Variants in TTC34 observed in about 807,000 individuals in gnomAD.
The protein encoded by TTC34 is tetratricopeptide repeat protein 34.
Under a neutral mutation model 40.7 loss-of-function variants are expected in TTC34, and 44 were observed. The observed-to-expected ratio is 1.08, with a 90% CI of 0.85 to 1.39. The LOEUF (loss-of-function observed/expected upper bound fraction) is 1.39, where lower values mean the gene tolerates loss of function less well. Ranked by LOEUF, TTC34 falls within the 40% of genes most tolerant of loss-of-function variation. The pLI is 0.00. For missense variants in TTC34, 884 were observed against 838.0 expected (o/e 1.05, Z -0.68); for synonymous variants, 422 against 398.6 (o/e 1.06, Z -0.70).
chr1:2,689,998 GC>G (rs1640542114), intron 6 of TTC34, among the ~76,000 whole-genome samples: 1 of 138,058 alleles, frequency 7.2e-6, no homozygotes, highest in Non-Finnish European at 1.5e-5. Context: ...GCATCTGACA[GC>G]CTGGAACAGC....
chr1:2,785,061 G>A (rs779081459), intron 5 of TTC34, among the ~76,000 whole-genome samples: 6 of 152,252 alleles, frequency 3.9e-5, no homozygotes, highest in Non-Finnish European at 7.4e-5. Context: ...TGCTCTCTGT[G>A]CCAGGTACTG....
intron 6 of TTC34, among the ~76,000 whole-genome samples, chr1:2,648,713 G>A (rs1401171172): frequency 6.7e-6 from 1 of 149,858 alleles, no homozygotes; most frequent in East Asian, 2.0e-4. Context: ...CACACCCACA[G>A]GTGAGCATCT....
At chr1:2,759,639 C>A (rs1367895736) in intron 6 of TTC34, among the ~76,000 whole-genome samples, 3,290 of 121,920 alleles carry the variant, frequency 0.027, no homozygotes, top group African/African-American at 0.046. Flanking sequence ...GCACCCACAC[C>A]CCCAGGTGAG....
chr1:2,688,426 G>A (rs1367402693), intron 6 of TTC34, among the ~76,000 whole-genome samples: 5 of 151,654 alleles, frequency 3.3e-5, no homozygotes, highest in African/African-American at 4.9e-5. Context: ...GTGAGCATCC[G>A]ACAGCCTGGA....
chr1:2,639,107 T>C (rs1638846662), exon 9 of TTC34: 1 of 152,202 alleles, frequency 6.6e-6, no homozygotes, highest in African/African-American at 2.4e-5. Context: ...CCCCTGGTCA[T>C]CTCCCAAAAG....
intron 2 of TTC34, among the ~76,000 whole-genome samples, chr1:2,798,153 T>C (rs1569978835): frequency 1.7e-5 from 1 of 58,796 alleles, no homozygotes. Context: ...TCTCAGCCTC[T>C]TAGCCCCTCA....
chr1:2,787,014 A>G (rs556869240), intron 4 of TTC34, among the ~76,000 whole-genome samples: 2 of 152,270 alleles, frequency 1.3e-5, no homozygotes, highest in East Asian at 3.9e-4. Flanking sequence ...GGAACCCGGG[A>G]TAGCACCTGA....
intron 6 of TTC34, among the ~76,000 whole-genome samples, chr1:2,683,541 C>G (rs1302318184): frequency 1.4e-5 from 2 of 146,502 alleles, no homozygotes; most frequent in Non-Finnish European, 3.0e-5. Flanking sequence ...TGGTCTGGAG[C>G]AGCACCCACA....
At chr1:2,776,337 C>T (rs1193357771) in intron 6 of TTC34, 5 of 138,062 alleles carry the variant, frequency 3.6e-5, no homozygotes, top group Non-Finnish European at 7.5e-5. Context: ...CCCAGGTGAG[C>T]ATCTGGCAGC....
At chr1:2,790,281 G>C (rs1274274457) in exon 3 of TTC34, 3 of 398,398 alleles carry the variant, frequency 7.5e-6, no homozygotes, top group African/African-American at 6.2e-5. Context: ...AACACGTCCT[G>C]GGCCCGGCCG....
intron 6 of TTC34, among the ~76,000 whole-genome samples, chr1:2,757,745 C>T (rs1371673257): frequency 4.1e-5 from 6 of 145,618 alleles, no homozygotes; most frequent in African/African-American, 1.6e-4. Context: ...TGTAACAGTA[C>T]CCACACCCAC....
At chr1:2,676,951 T>G (rs11486040) in intron 6 of TTC34, among the ~76,000 whole-genome samples, 2 of 115,414 alleles carry the variant, frequency 1.7e-5, no homozygotes, top group African/African-American at 3.0e-5. Flanking sequence ...TCTGACAGCA[T>G]GGAACAGCAC....
chr1:2,795,347 C>T lies in TTC34; in HGVS notation c.784+4697G>A, dbSNP rs946684647. Among the ~76,000 whole-genome samples, 3 of 152,224 alleles carry T rather than the reference C, an allele frequency of 2.0e-5. No homozygotes were observed. In the East Asian group the frequency reaches 5.8e-4, roughly 29 times the overall value. On this transcript the variant is annotated intron_variant, in intron 2 of 8. Coordinates refer to ENST00000401095, the Ensembl canonical transcript of TTC34. ...CTTCTGTTGGTCTTACCAGGGGTCA[C>T]TCAGGTGGCTGCAGCCATCCAGTGG...
chr1:2,688,214 G>A (rs1483931750), intron 6 of TTC34, among the ~76,000 whole-genome samples: 4 of 144,612 alleles, frequency 2.8e-5, no homozygotes, highest in Non-Finnish European at 4.5e-5. Flanking sequence ...CACACCCCCA[G>A]GGGAGCATCC....
chr1:2,757,062 C>CTGCACCCCCAGGTGCGCACGTG (rs1641531074), intron 6 of TTC34, among the ~76,000 whole-genome samples: 1 of 148,374 alleles, frequency 6.7e-6, no homozygotes, highest in Admixed American at 6.7e-5. Context: ...GAACAGGACC[C>CTGCACCCCCAGGTGCGCACGTG]ACACCCCCAG....
chr1:2,683,658 G>A (rs201806377), intron 6 of TTC34, among the ~76,000 whole-genome samples: 1 of 149,896 alleles, frequency 6.7e-6, no homozygotes, highest in East Asian at 2.0e-4. Flanking sequence ...TGACAGCCTG[G>A]AGCAGCACGC....
At chr1:2,768,161 C>G (rs913743211) in intron 6 of TTC34, among the ~76,000 whole-genome samples, 5 of 151,648 alleles carry the variant, frequency 3.3e-5, no homozygotes, top group Non-Finnish European at 7.4e-5. Flanking sequence ...GATCAACACT[C>G]GAACCTTCAG....
At chr1:2,700,314 T>C (rs969067820) in intron 6 of TTC34, among the ~76,000 whole-genome samples, 119 of 53,110 alleles carry the variant, frequency 2.2e-3, no homozygotes, top group African/African-American at 3.3e-3. Context: ...CATCCGACAG[T>C]CTGGGGCAGC....
chr1:2,750,715 C>T (rs1376209553), intron 6 of TTC34, among the ~76,000 whole-genome samples: 1 of 144,864 alleles, frequency 6.9e-6, no homozygotes. Context: ...CAGCCTGGAG[C>T]AGCACCCACA....
Sources: gnomAD v4.1 joint callset for allele counts (sites outside exome capture counted in the v4.1 genomes callset) on GRCh38, gnomAD v4.1.1 for gene constraint, MANE v1.5 for transcripts, NCBI Gene and HGNC (gene_info 2026-07-23, HGNC 2026-07-21) for gene names.